Variants in CEP192 observed in about 807,000 individuals in gnomAD.
The protein encoded by CEP192 is centrosomal protein 192.
CEP192 carries 151 observed loss-of-function variants against 271.8 expected under a neutral mutation model. The observed-to-expected ratio is 0.56, with a 90% CI of 0.49 to 0.64. The LOEUF (loss-of-function observed/expected upper bound fraction) is 0.64. CEP192 is among the 30% of genes least tolerant of loss of function. The probability of loss-of-function intolerance (pLI) is 0.00; values close to 1 mark genes in which losing one functional copy is unlikely to be tolerated. For synonymous variants in CEP192, 995 were observed against 1,076.5 expected (o/e 0.92, Z 1.48); for missense variants, 2,910 against 3,020.5 (o/e 0.96, Z 0.86).
chr18:13,050,913 A>C (rs1475915007), intron 17 of CEP192, among the ~76,000 whole-genome samples: 6 of 152,194 alleles, frequency 3.9e-5, no homozygotes, highest in Non-Finnish European at 8.8e-5. Context: ...CCAGTCATCC[A>C]GCCCAAAGCA....
rs1489195150 is a variant in CEP192, at chr18:13,124,847, CTTTTGTATATATA to C, written c.*86_*98del. 6.1e-6 allele frequency: 7 copies of C among 1,155,140 alleles called. No individual in the cohort carries two copies. The East Asian group carries it at 1.3e-4, about 21-fold the overall frequency. The allele number at this position is 1,155,140 out of a possible 1,614,324, so 71.6% of individuals were successfully genotyped here. A position where few individuals can be genotyped will look rare whatever the true frequency, so the allele number is the denominator to read the frequency against. On this transcript the variant is annotated 3_prime_UTR_variant, in exon 45 of 45. Transcript: ENST00000506447. ...TTTATCTTTCTACACTACAATTATG[CTTTTGTATATATA>C]TTTTGTATGATGGATATCTATAATT... is the stretch of plus-strand genomic sequence containing the variant.
chr18:13,082,390 G>A (rs911607276), intron 30 of CEP192, among the ~76,000 whole-genome samples: 10 of 126,450 alleles, frequency 7.9e-5, no homozygotes, highest in Admixed American at 5.6e-4. Flanking sequence ...ATCTTTGTTC[G>A]TTTAAAGTCT....
At chr18:13,116,234 G>A in intron 42 of CEP192, 143 bp from the exon 43 acceptor site, 2 of 805,268 alleles carry the variant, frequency 2.5e-6, no homozygotes, top group Non-Finnish European at 3.9e-6. Flanking sequence ...AATTAGATAA[G>A]TCGTCATTAC....
intron 1 of CEP192, among the ~76,000 whole-genome samples, chr18:12,998,300 T>C (rs2033387248): frequency 6.6e-6 from 1 of 152,228 alleles, no homozygotes; most frequent in Admixed American, 6.5e-5. Context: ...CTCCATTCTG[T>C]TATTCTAGCT....
At chr18:13,094,399 C>A (rs1318247255) in intron 34 of CEP192, among the ~76,000 whole-genome samples, 1 of 152,150 alleles carries the variant, frequency 6.6e-6, no homozygotes, top group Admixed American at 6.5e-5. Context: ...TTGCTTTTGG[C>A]CCTTTCATGT....
rs1383354543 is a variant in CEP192 at position 13,099,546 on chromosome 18, G to T, written c.6628G>T (p.Gly2210Cys). Reference sequence around the variant, plus strand: ...AAAACAGTCAATGTTCCCGTGGAGTGGTTTGATCTATATACACTGTGACGA... The same window carrying T: ...AAAACAGTCAATGTTCCCGTGGAGTTGTTTGATCTATATACACTGTGACGA... ...STKQSMFPWS[G>C]LIYIHCDDGQ... The change falls in exon 37 of 45, where the codon GGT becomes TGT. Residue 2210 changes from glycine to cysteine, a missense_variant. Transcript: ENST00000506447. 5 of 1,602,904 alleles carry T rather than the reference G, an allele frequency of 3.1e-6. No individual in the cohort carries two copies. In the African/African-American group the frequency reaches 4.0e-5, roughly 13 times the overall value.
intron 44 of CEP192, among the ~76,000 whole-genome samples, chr18:13,119,266 C>G (rs2040561640): frequency 6.6e-6 from 1 of 152,182 alleles, no homozygotes; most frequent in Non-Finnish European, 1.5e-5. Flanking sequence ...TTTATCATAA[C>G]TGCATTATTC....
intron 31 of CEP192, 115 bp from the exon 32 acceptor site, chr18:13,087,416 A>G (rs1195417176): frequency 3.2e-6 from 3 of 929,978 alleles, no homozygotes; most frequent in South Asian, 1.8e-5. Context: ...TGGAAATGCC[A>G]TGCGTATGCA....
At chr18:13,094,206 G>A (rs1192887827) in intron 34 of CEP192, among the ~76,000 whole-genome samples, 2 of 152,158 alleles carry the variant, frequency 1.3e-5, no homozygotes, top group Non-Finnish European at 2.9e-5. Flanking sequence ...TTTCTCCACT[G>A]TAAAACTAAT....
intron 30 of CEP192, 149 bp downstream of exon 30, chr18:13,073,334 T>C: frequency 1.4e-6 from 1 of 709,028 alleles, no homozygotes; most frequent in South Asian, 2.0e-5. Context: ...GTAATTTATA[T>C]GCTTTGTAGA....
At chr18:13,049,714 A>G in intron 16 of CEP192, 33 bp downstream of exon 16, 1 of 1,602,580 alleles carries the variant, frequency 6.2e-7, no homozygotes, top group Non-Finnish European at 8.5e-7. Flanking sequence ...ACATTCATAA[A>G]ATTACAAAGT....
Position 13,043,531 on chromosome 18 carries a change from A to G in CEP192, c.2067+1197A>G, listed in dbSNP as rs569625423. On this transcript the variant is annotated intron_variant, in intron 15 of 44. Transcript: ENST00000506447. ...TGTAACTTTATTATAATAAGTCTTGATATCTGGAAGAGTAAATCCTCTTGT... is the reference window on the plus strand; with the variant it reads ...TGTAACTTTATTATAATAAGTCTTGGTATCTGGAAGAGTAAATCCTCTTGT... Among the ~76,000 whole-genome samples the G allele has an allele frequency of 5.3e-4, 81 of 152,242 alleles. No homozygotes were observed. The Middle Eastern group carries it at 0.01, about 19-fold the overall frequency.
At chr18:13,068,519 C>T (rs563039685) in intron 24 of CEP192, 97 bp downstream of exon 24, 511 of 1,033,896 alleles carry the variant, frequency 4.9e-4, no homozygotes, top group Non-Finnish European at 6.6e-4. Flanking sequence ...GTCAGTACTT[C>T]GAAATCTGTC....
Position 13,096,181 on chromosome 18 carries a change from T to C in CEP192, c.6434-3T>C, listed in dbSNP as rs370679023. ...GTCACATTTTATGTATCTGACAAAA[T>C]AGGTGACATGGCAAAAACTGGACGT... On this transcript the variant is annotated splice_region_variant and splice_polypyrimidine_tract_variant and intron_variant, in intron 35 of 44. Transcript: ENST00000506447. 8.1e-6 allele frequency: 13 copies of C among 1,613,372 alleles called. No individual in the cohort carries two copies. In the African/African-American group the frequency reaches 1.6e-4, roughly 20 times the overall value.
chr18:13,010,563 G>A (rs2034280125), intron 4 of CEP192, among the ~76,000 whole-genome samples: 1 of 152,124 alleles, frequency 6.6e-6, no homozygotes, highest in Non-Finnish European at 1.5e-5. Context: ...GGAAAAAGAC[G>A]GGGCCGGGCA....
At chr18:13,077,218 G>C (rs970879742) in intron 30 of CEP192, among the ~76,000 whole-genome samples, 11 of 152,196 alleles carry the variant, frequency 7.2e-5, no homozygotes, top group Non-Finnish European at 1.2e-4. Flanking sequence ...AGTTTGCAAG[G>C]AAGTATTTGC....
intron 40 of CEP192, among the ~76,000 whole-genome samples, chr18:13,107,996 C>T (rs1480560438): frequency 1.3e-5 from 2 of 151,304 alleles, no homozygotes; most frequent in East Asian, 3.9e-4. Flanking sequence ...AATAAAGCCA[C>T]AAACCTACAG....
intron 15 of CEP192, 75 bp from the exon 16 acceptor site, chr18:13,048,784 A>G (rs2036614506): frequency 1.0e-6 from 1 of 994,034 alleles, no homozygotes; most frequent in African/African-American, 1.6e-5. Flanking sequence ...CGCATCTCCC[A>G]ATGATAATGG....
chr18:13,108,916 C>G lies in CEP192; in HGVS notation c.7047+3837C>G, dbSNP rs116395302. Among the ~76,000 whole-genome samples, 889 of 152,194 alleles carry G rather than the reference C, an allele frequency of 5.8e-3. 13 individuals carry two copies. Among genetic ancestry groups the G allele is most frequent in the African/African-American group, 0.02 (831 of 41,524 alleles). On this transcript the variant is annotated intron_variant, in intron 40 of 44. Transcript: ENST00000506447. ...AAAGTCAAAAAACAATAGATGCTAGCAAGGCTGCAGAGAAAAAATGCTTAT... is the reference window on the plus strand; with the variant it reads ...AAAGTCAAAAAACAATAGATGCTAGGAAGGCTGCAGAGAAAAAATGCTTAT...
Sources: gnomAD v4.1 joint callset for allele counts (sites outside exome capture counted in the v4.1 genomes callset) on GRCh38, gnomAD v4.1.1 for gene constraint, MANE v1.5 for transcripts, NCBI Gene and HGNC (gene_info 2026-07-23, HGNC 2026-07-21) for gene names.